Variants in PLD5 observed in about 807,000 individuals in gnomAD.
PLD5 encodes inactive phospholipase D5.
A neutral mutation model predicts 61.1 loss-of-function variants in PLD5; 36 were observed. That is an observed-to-expected ratio of 0.59 (90% CI 0.45 to 0.78). The LOEUF (loss-of-function observed/expected upper bound fraction) is 0.78, where lower values mean the gene tolerates loss of function less well. Among genes scored for constraint, PLD5 ranks in the 30% least tolerant of loss-of-function variants. The pLI is 0.00. For synonymous variants in PLD5, 243 were observed against 242.8 expected, an observed-to-expected ratio of 1.00 and a Z score of -0.01; for missense variants, 515 against 644.4, an observed-to-expected ratio of 0.80 and a Z score of 2.17.
At chr1:242,369,419 G>C (rs1361500922) in intron 1 of PLD5, among the ~76,000 whole-genome samples, 1 of 152,054 alleles carries the variant, frequency 6.6e-6, no homozygotes, top group Non-Finnish European at 1.5e-5. Flanking sequence ...TGTGCATAAA[G>C]ATATAACAAC....
rs760585368 is a variant in PLD5, at chr1:242,107,867, A to G, written c.1071-28T>C. On this transcript the variant is annotated intron_variant, in intron 7 of 9. Coordinates refer to ENST00000536534, the MANE Select transcript of PLD5 (RefSeq NM_001372062.1). Reference sequence around the variant, plus strand: ...GCAGAAATCATATCCAAATAGAAAAAATAAACTAAGTTAGTTTGGGAAAAG... The same window carrying G: ...GCAGAAATCATATCCAAATAGAAAAGATAAACTAAGTTAGTTTGGGAAAAG... 5 of 1,557,458 alleles carry G rather than the reference A, an allele frequency of 3.2e-6. No homozygotes were observed. In the Admixed American group the frequency reaches 1.1e-4, roughly 33 times the overall value.
upstream of PLD5, among the ~76,000 whole-genome samples, chr1:242,524,918 G>C (rs1462806783): frequency 1.3e-5 from 2 of 152,000 alleles, no homozygotes; most frequent in Admixed American, 1.3e-4. Flanking sequence ...CTGGAAAGCC[G>C]GCAGGCGAGG....
At chr1:242,484,844 CA>C (rs1667903152) in intron 1 of PLD5, among the ~76,000 whole-genome samples, 1 of 152,134 alleles carries the variant, frequency 6.6e-6, no homozygotes, top group South Asian at 2.1e-4. Context: ...AACAGCACAC[CA>C]AAAAGCTTAT....
At chr1:242,290,119 A>G (rs941079796) in intron 2 of PLD5, among the ~76,000 whole-genome samples, 10 of 150,460 alleles carry the variant, frequency 6.6e-5, no homozygotes, top group African/African-American at 1.7e-4. Flanking sequence ...AACAGAATTT[A>G]GTGGAAAAGC....
intron 1 of PLD5, among the ~76,000 whole-genome samples, chr1:242,348,479 C>A (rs941471764): frequency 1.3e-5 from 2 of 152,150 alleles, no homozygotes; most frequent in African/African-American, 4.8e-5. Flanking sequence ...AGTGTAGTAT[C>A]CAGGCTTCTG....
chr1:242,415,782 T>C (rs1664805672), intron 1 of PLD5, among the ~76,000 whole-genome samples: 1 of 152,154 alleles, frequency 6.6e-6, no homozygotes, highest in African/African-American at 2.4e-5. Flanking sequence ...GTGCTGGGAT[T>C]ACAGGCATGA....
chr1:242,326,767 C>A (rs907710877), intron 2 of PLD5, among the ~76,000 whole-genome samples: 2 of 151,954 alleles, frequency 1.3e-5, no homozygotes, highest in African/African-American at 4.8e-5. Flanking sequence ...AGTGCAGTGG[C>A]ATGATCACAG....
At chr1:242,490,593 T>C (rs1668115714) in intron 1 of PLD5, among the ~76,000 whole-genome samples, 1 of 152,246 alleles carries the variant, frequency 6.6e-6, no homozygotes, top group Non-Finnish European at 1.5e-5. Context: ...AACGTTCATT[T>C]ATTATATAAA....
chr1:242,197,666 G>A (rs1668723459), intron 5 of PLD5, among the ~76,000 whole-genome samples: 1 of 142,128 alleles, frequency 7.0e-6, no homozygotes, highest in Admixed American at 7.2e-5. Context: ...ACGGAGCCTT[G>A]CTCTGTCCCC....
rs747913177 is a variant in PLD5, at chr1:242,207,782, ATT to A, written c.735+12204_735+12205del. ...TTTATATTTATATATATTTATATAT[ATT>A]TATATTTATATATATTTATATATAT... On this transcript the variant is annotated intron_variant, in intron 5 of 9. Coordinates refer to ENST00000536534, the MANE Select transcript of PLD5 (RefSeq NM_001372062.1). Among the ~76,000 whole-genome samples the A allele has an allele frequency of 3.6e-3, 263 of 73,116 alleles. 7 individuals carry two copies. The highest frequency in any genetic ancestry group is 0.018 in the African/African-American group (171 of 9,250). The allele number at this position is 73,116 out of a possible 152,430, so 48.0% of individuals were successfully genotyped here. A position where few individuals can be genotyped will look rare whatever the true frequency, so the allele number is the denominator to read the frequency against.
intron 1 of PLD5, among the ~76,000 whole-genome samples, chr1:242,515,788 G>A (rs1406189857): frequency 6.6e-6 from 1 of 152,160 alleles, no homozygotes; most frequent in Non-Finnish European, 1.5e-5. Flanking sequence ...ATTAACCTGA[G>A]CACACATTTA....
intron 5 of PLD5, among the ~76,000 whole-genome samples, chr1:242,216,240 T>C (rs1465329790): frequency 6.6e-6 from 1 of 152,156 alleles, no homozygotes; most frequent in African/African-American, 2.4e-5. Flanking sequence ...AGCTGTATGC[T>C]TCAGTCAACA....
chr1:242,416,954 G>A (rs1419088270), intron 1 of PLD5, among the ~76,000 whole-genome samples: 2 of 152,110 alleles, frequency 1.3e-5, no homozygotes, highest in Non-Finnish European at 2.9e-5. Flanking sequence ...ATACAGCAGT[G>A]ATCACAACAA....
At chr1:242,144,151 GA>G (rs1664378075) in intron 5 of PLD5, among the ~76,000 whole-genome samples, 1 of 122,808 alleles carries the variant, frequency 8.1e-6, no homozygotes, top group Admixed American at 7.6e-5. Context: ...TTACAGGTAT[GA>G]GCCACCACAC....
At chr1:242,199,214 C>T (rs1410231304) in intron 5 of PLD5, among the ~76,000 whole-genome samples, 1 of 151,982 alleles carries the variant, frequency 6.6e-6, no homozygotes, top group Non-Finnish European at 1.5e-5. Flanking sequence ...TCAGACAGCA[C>T]TGCTTTATTT....
At position 242,512,659 on chromosome 1, in the gene PLD5, C is replaced by T. The variant is rs145961806; in HGVS notation, c.189+11429G>A. Among the ~76,000 whole-genome samples, 501 of 152,190 alleles carry T rather than the reference C, an allele frequency of 3.3e-3. 4 individuals are homozygous for T. Among genetic ancestry groups the T allele is most frequent in the Middle Eastern group, 0.01 (3 of 294 alleles). ...AGTTGAAACTCCCAAAACAGTCTAC[C>T]ATAAACAATAACACTGGATATTGAC... On this transcript the variant is annotated intron_variant, in intron 1 of 9. Transcript: ENST00000536534.
intron 8 of PLD5, among the ~76,000 whole-genome samples, chr1:242,105,514 G>A (rs1181382848): frequency 1.3e-5 from 2 of 152,194 alleles, no homozygotes; most frequent in Non-Finnish European, 2.9e-5. Flanking sequence ...GTGAGCCACT[G>A]TGCCTGGCCT....
intron 5 of PLD5, among the ~76,000 whole-genome samples, chr1:242,125,622 A>G (rs546212803): frequency 1.3e-5 from 2 of 152,322 alleles, no homozygotes; most frequent in South Asian, 4.1e-4. Context: ...GCACACAAAA[A>G]TACATGCTTT....
chr1:242,248,103 T>A (rs1051294375), intron 4 of PLD5, among the ~76,000 whole-genome samples: 5 of 152,238 alleles, frequency 3.3e-5, no homozygotes, highest in Non-Finnish European at 4.4e-5. Flanking sequence ...TCCTCATGGT[T>A]ATATGGTTAT....
Sources: allele counts gnomAD v4.1 joint callset (sites outside exome capture counted in the v4.1 genomes callset), GRCh38; gene constraint gnomAD v4.1.1; transcripts MANE v1.5; gene names NCBI Gene and HGNC (gene_info 2026-07-23, HGNC 2026-07-21).